The following GPNMB variants were observed in gnomAD, a reference collection of about 807,000 sequenced individuals.
GPNMB encodes transmembrane glycoprotein NMB.
In GPNMB, 71 loss-of-function variants were observed where a neutral mutation model predicts 57.3. That is an observed-to-expected ratio of 1.24 (90% CI 1.02 to 1.51). GPNMB has a LOEUF of 1.51. Among genes scored for constraint, GPNMB ranks in the 40% most tolerant of loss-of-function variants. The pLI, the probability that GPNMB is intolerant of heterozygous loss-of-function variation, is 0.00. For synonymous variants in GPNMB, 253 were observed against 263.2 expected, an observed-to-expected ratio of 0.96 and a Z score of 0.38; for missense variants, 677 against 691.9, an observed-to-expected ratio of 0.98 and a Z score of 0.24.
At chr7:23,269,914 C>A in intron 8 of GPNMB, 53 bp from the exon 9 acceptor site, 1 of 1,205,606 alleles carries the variant, frequency 8.3e-7, no homozygotes, top group South Asian at 1.3e-5. Context: ...TCTGACCTTC[C>A]TCTCTCCCCT....
intron 7 of GPNMB, 142 bp from the exon 8 acceptor site, chr7:23,267,744 C>T (rs1160913806): frequency 3.0e-6 from 2 of 672,938 alleles, no homozygotes; most frequent in South Asian, 1.7e-5. Context: ...AAAGACCCCC[C>T]TCCTAATGCT....
At position 23,254,153 on chromosome 7, in the gene GPNMB, C is replaced by CT. The variant is rs772283661; in HGVS notation, c.224-10dup. 9 of 1,587,854 alleles carry CT rather than the reference C, an allele frequency of 5.7e-6. No homozygotes were observed. The highest frequency in any genetic ancestry group is 1.4e-5 in the African/African-American group (1 of 73,688). On this transcript the variant is annotated splice_polypyrimidine_tract_variant and intron_variant, in intron 2 of 10. Coordinates refer to ENST00000258733, the MANE Select transcript of GPNMB (RefSeq NM_002510.3). ...AAAGATGCTGGATCATCGAGCCCCA[C>CT]TTTTTTATACCCTAGGAGGCCGTGT...
At chr7:23,267,429 A>T (rs1186425560) in intron 7 of GPNMB, among the ~76,000 whole-genome samples, 1 of 151,972 alleles carries the variant, frequency 6.6e-6, no homozygotes, top group Non-Finnish European at 1.5e-5. Context: ...TCACTTTCTG[A>T]TGTCTTAAGA....
intron 8 of GPNMB, among the ~76,000 whole-genome samples, chr7:23,268,665 C>A (rs1353811608): frequency 2.0e-5 from 3 of 151,200 alleles, no homozygotes; most frequent in African/African-American, 7.3e-5. Context: ...TGTGTAGATA[C>A]ATAAATTAAT....
intron 6 of GPNMB, 154 bp from the exon 7 acceptor site, chr7:23,266,363 C>A: frequency 1.5e-6 from 1 of 667,936 alleles, no homozygotes; most frequent in Non-Finnish European, 2.6e-6. Flanking sequence ...AATTATGACA[C>A]ATTTAGTTCA....
intron 7 of GPNMB, 129 bp from the exon 8 acceptor site, chr7:23,267,757 C>A: frequency 1.4e-6 from 1 of 710,020 alleles, no homozygotes; most frequent in Non-Finnish European, 2.5e-6. Flanking sequence ...CTAATGCTAT[C>A]ACCTTGGGGG....
At chr7:23,263,612 CAAA>C (rs750640697) in intron 6 of GPNMB, among the ~76,000 whole-genome samples, 6 of 63,002 alleles carry the variant, frequency 9.5e-5, no homozygotes, top group Admixed American at 1.7e-4. Context: ...AACTCTGTCT[CAAA>C]AAAAAAAAAA....
rs146238405 is a variant in GPNMB, at chr7:23,267,972, G to A, written c.1204G>A (p.Val402Met). 176 of 1,609,968 alleles carry A rather than the reference G, an allele frequency of 1.1e-4. No individual in the cohort carries two copies. Among genetic ancestry groups the A allele is most frequent in the Middle Eastern group, 1.7e-4 (1 of 6,058 alleles). The change falls in exon 8 of 11, where the codon GTG becomes ATG. Residue 402 changes from valine (V) to methionine (M), a missense_variant. Coordinates refer to ENST00000258733, the MANE Select transcript of GPNMB (RefSeq NM_002510.3). ...WPESSLIDFV[V>M]TCQGSIPTEV... ...TGAAAGCTCCCTAATAGACTTTGTC[G>A]TGACCTGCCAAGGGAGGTGAGTATA...
At chr7:23,250,591 A>G (rs1782639121) in intron 1 of GPNMB, 1 of 151,976 alleles carries the variant, frequency 6.6e-6, no homozygotes, top group Non-Finnish European at 1.5e-5. Context: ...TTAGTAGAGC[A>G]TGCTTGTGTG....
intron 7 of GPNMB, among the ~76,000 whole-genome samples, chr7:23,267,256 G>A (rs1272652230): frequency 6.6e-6 from 1 of 152,214 alleles, no homozygotes; most frequent in Non-Finnish European, 1.5e-5. Flanking sequence ...ACTTTCTGAT[G>A]CACACAAAGG....
At chr7:23,263,347 C>T (rs769927700) in intron 6 of GPNMB, among the ~76,000 whole-genome samples, 2 of 152,104 alleles carry the variant, frequency 1.3e-5, no homozygotes, top group Non-Finnish European at 2.9e-5. Flanking sequence ...CATGGTGGCT[C>T]ACATCTGTAA....
intron 10 of GPNMB, 56 bp downstream of exon 10, chr7:23,273,670 AT>A: frequency 9.0e-7 from 1 of 1,108,286 alleles, no homozygotes. Context: ...AAAAGTGAAT[AT>A]ATCTCTGTGT....
chr7:23,264,716 C>T (rs1279768552), intron 6 of GPNMB, among the ~76,000 whole-genome samples: 2 of 152,178 alleles, frequency 1.3e-5, no homozygotes, highest in Non-Finnish European at 2.9e-5. Context: ...AAGGTAGAAT[C>T]ACTGACTTTT....
intron 9 of GPNMB, among the ~76,000 whole-genome samples, chr7:23,271,153 G>A (rs370642931): frequency 3.9e-5 from 6 of 152,304 alleles, no homozygotes; most frequent in East Asian, 3.9e-4. Flanking sequence ...TAGCTCTCTC[G>A]CATGTGCAGT....
At chr7:23,263,921 G>A (rs73088134) in intron 6 of GPNMB, among the ~76,000 whole-genome samples, 69 of 152,172 alleles carry the variant, frequency 4.5e-4, no homozygotes, top group Non-Finnish European at 7.6e-4. Flanking sequence ...ATGCACAGCC[G>A]AAAATAGAAA....
At position 23,273,624 on chromosome 7, in the gene GPNMB, T is replaced by C. The variant is rs1389876637; in HGVS notation, c.1523+10T>C. 4 of 1,522,726 alleles carry C rather than the reference T, an allele frequency of 2.6e-6. No individual in the cohort carries two copies. The highest frequency in any genetic ancestry group is 3.6e-6 in the Non-Finnish European group (4 of 1,096,540). The allele number at this position is 1,522,726 out of a possible 1,614,324, so 94.3% of individuals were successfully genotyped here. A position where few individuals can be genotyped will look rare whatever the true frequency, so the allele number is the denominator to read the frequency against. ...CCCTCTTGGTGTACAAGTAAGTTTT[T>C]GGTTCCTACGCTTTATATCACTATA... On this transcript the variant is annotated intron_variant, in intron 10 of 10. Coordinates refer to ENST00000258733, the MANE Select transcript of GPNMB (RefSeq NM_002510.3).
At position 23,258,551 on chromosome 7, in the gene GPNMB, AATAACTT is replaced by A. The variant is rs1420837947; in HGVS notation, c.542-1427_542-1421del. ...GACTCTTTAGCCTAGTAAACATTCCAATAACTTAACCAGATCAAATGTCTGTATTTAA... is the reference window on the plus strand; with the variant it reads ...GACTCTTTAGCCTAGTAAACATTCCAAACCAGATCAAATGTCTGTATTTAA... On this transcript the variant is annotated intron_variant, in intron 4 of 10. Coordinates refer to ENST00000258733, the MANE Select transcript of GPNMB (RefSeq NM_002510.3). Among the ~76,000 whole-genome samples, 7 of 152,316 alleles carry A rather than the reference AATAACTT, an allele frequency of 4.6e-5. 1 individual carries two copies. The South Asian group carries it at 6.2e-4, about 14-fold the overall frequency.
At chr7:23,251,336 GAGA>G (rs1443068049) in intron 1 of GPNMB, among the ~76,000 whole-genome samples, 1 of 152,190 alleles carries the variant, frequency 6.6e-6, no homozygotes, top group African/African-American at 2.4e-5. Context: ...CAGGATTTAA[GAGA>G]AGAACAAGAC....
rs1692587111 is a variant in GPNMB, at chr7:23,267,989, G to A, written c.1220+1G>A. 1.9e-6 allele frequency: 3 copies of A among 1,582,932 alleles called. No individual in the cohort carries two copies. Among genetic ancestry groups the A allele is most frequent in the South Asian group, 1.1e-5 (1 of 90,400 alleles). Reference sequence around the variant, plus strand: ...ACTTTGTCGTGACCTGCCAAGGGAGGTGAGTATATTATCTCCGACAGAGGC... The same window carrying A: ...ACTTTGTCGTGACCTGCCAAGGGAGATGAGTATATTATCTCCGACAGAGGC... On this transcript the variant is annotated splice_donor_variant, in intron 8 of 10. Transcript: ENST00000258733. LOFTEE classifies it high-confidence loss of function.
Sources: gnomAD v4.1 joint callset for allele counts (sites outside exome capture counted in the v4.1 genomes callset) on GRCh38, gnomAD v4.1.1 for gene constraint, MANE v1.5 for transcripts, NCBI Gene and HGNC (gene_info 2026-07-23, HGNC 2026-07-21) for gene names.